The following KIAA1671 variants were observed in gnomAD, a reference collection of about 807,000 sequenced individuals.
KIAA1671 encodes uncharacterized protein KIAA1671.
A neutral mutation model predicts 131.2 loss-of-function variants in KIAA1671; 52 were observed. The observed-to-expected ratio is 0.40, with a 90% confidence interval of 0.32 to 0.50. The LOEUF is 0.50. KIAA1671 is among the 20% of genes least tolerant of loss of function. The probability of loss-of-function intolerance (pLI) is 0.73; values close to 1 mark genes in which losing one functional copy is unlikely to be tolerated. For missense variants in KIAA1671, 2,360 were observed against 2,364.2 expected (o/e 1.00, Z 0.04); for synonymous variants, 1,003 against 961.6 (o/e 1.04, Z -0.80).
chr22:25,188,501 A>G (rs1934554518), intron 11 of KIAA1671, among the ~76,000 whole-genome samples: 1 of 143,706 alleles, frequency 7.0e-6, no homozygotes, highest in African/African-American at 2.6e-5. Context: ...TGTAAATAAT[A>G]CAGTTGATCC....
intron 6 of KIAA1671, among the ~76,000 whole-genome samples, chr22:25,132,068 TG>T (rs751080169): frequency 3.3e-5 from 5 of 152,216 alleles, no homozygotes; most frequent in Non-Finnish European, 7.4e-5. Flanking sequence ...CAGAATTGAT[TG>T]AAGTCACACT....
At chr22:25,073,068 TTTTG>T (rs1333366737) in intron 6 of KIAA1671, among the ~76,000 whole-genome samples, 1 of 152,024 alleles carries the variant, frequency 6.6e-6, no homozygotes, top group Non-Finnish European at 1.5e-5. Context: ...TATTCTACCT[TTTTG>T]TTTGTCTGTT....
chr22:25,030,513 C>T (rs1315699785), intron 3 of KIAA1671, among the ~76,000 whole-genome samples: 1 of 151,016 alleles, frequency 6.6e-6, no homozygotes, highest in Non-Finnish European at 1.5e-5. Flanking sequence ...CCAGCCTGGA[C>T]AACAGAGCAA....
At chr22:25,058,652 T>G (rs1049245728) in intron 6 of KIAA1671, 1 of 152,124 alleles carries the variant, frequency 6.6e-6, no homozygotes, top group African/African-American at 2.4e-5. Flanking sequence ...GGAGAAGTAA[T>G]TTCCATGGTC....
At chr22:25,160,321 C>T (rs1933395817) in intron 6 of KIAA1671, among the ~76,000 whole-genome samples, 1 of 152,148 alleles carries the variant, frequency 6.6e-6, no homozygotes, top group African/African-American at 2.4e-5. Context: ...TGGGTGGAGC[C>T]ACAGAGCCGC....
intron 5 of KIAA1671, among the ~76,000 whole-genome samples, chr22:25,048,327 CG>C (rs1166653933): frequency 6.6e-6 from 1 of 151,360 alleles, no homozygotes; most frequent in Non-Finnish European, 1.5e-5. Flanking sequence ...CCATGGGGGG[CG>C]TGAAGAGAGA....
chr22:25,122,137 C>T (rs145058619), intron 6 of KIAA1671, among the ~76,000 whole-genome samples: 76 of 152,252 alleles, frequency 5.0e-4, no homozygotes, highest in South Asian at 2.9e-3. Context: ...TGCAGCACAA[C>T]GCTTGGTGCA....
intron 4 of KIAA1671, among the ~76,000 whole-genome samples, chr22:25,034,588 T>C (rs1405716533): frequency 6.6e-6 from 1 of 152,138 alleles, no homozygotes; most frequent in Non-Finnish European, 1.5e-5. Context: ...TAGACCACAA[T>C]TCGTTTATCC....
At chr22:25,090,497 T>A (rs1411296706) in intron 6 of KIAA1671, among the ~76,000 whole-genome samples, 1 of 152,220 alleles carries the variant, frequency 6.6e-6, no homozygotes, top group Non-Finnish European at 1.5e-5. Flanking sequence ...ATCTCAAATG[T>A]CTCCCAGACT....
intron 6 of KIAA1671, among the ~76,000 whole-genome samples, chr22:25,067,709 G>C (rs184912031): frequency 3.9e-5 from 6 of 152,162 alleles, no homozygotes; most frequent in African/African-American, 1.4e-4. Flanking sequence ...CTTTCTCTCC[G>C]GGCATTTCTC....
In KIAA1671 at chr22:25,087,856, T is replaced by C. The variant is rs543838819; in HGVS notation, c.4530+38492T>C. ...CTGGAGGAGAGGGGGCTGTGAGCCA[T>C]AGCAGCCAGAGCCCCCAGCACCTGG... On this transcript the variant is annotated intron_variant, in intron 6 of 12. Coordinates refer to ENST00000358431, the MANE Select transcript of KIAA1671 (RefSeq NM_001145206.2). 1.4e-4 allele frequency among the ~76,000 whole-genome samples: 21 copies of C among 152,218 alleles called. No individual in the cohort carries two copies. In the South Asian group the frequency reaches 3.7e-3, roughly 27 times the overall value.
intron 9 of KIAA1671, 44 bp from the exon 10 acceptor site, chr22:25,181,655 C>G: frequency 1.9e-6 from 3 of 1,549,772 alleles, no homozygotes; most frequent in Non-Finnish European, 2.6e-6. Context: ...GACCTCAATA[C>G]ATGGCAGCTG....
At chr22:25,104,310 CCT>C (rs1204852374) in intron 6 of KIAA1671, among the ~76,000 whole-genome samples, 2 of 152,150 alleles carry the variant, frequency 1.3e-5, no homozygotes, top group African/African-American at 4.8e-5. Flanking sequence ...TATTAGTGTA[CCT>C]CTTAGTCTAG....
At chr22:24,995,729 C>A (rs1457461313) in intron 1 of KIAA1671, among the ~76,000 whole-genome samples, 1 of 152,206 alleles carries the variant, frequency 6.6e-6, no homozygotes, top group Non-Finnish European at 1.5e-5. Context: ...TGACCATTGG[C>A]ATTATGCTAA....
chr22:25,010,726 A>G lies in KIAA1671; in HGVS notation c.-207-14907A>G, dbSNP rs1016342380. ...GCCAAGCTCCGTGTTCATTAAGAAT[A>G]TTTTTGCCTGCATGGAATAGAAACC... is the stretch of plus-strand genomic sequence containing the variant. On this transcript the variant is annotated intron_variant, in intron 1 of 12. Transcript: ENST00000358431. 2.0e-5 allele frequency: 3 copies of G among 152,104 alleles called. No individual in the cohort carries two copies. In the South Asian group the frequency reaches 6.2e-4, roughly 31 times the overall value. 9.4% of individuals were successfully genotyped at this position (152,104 alleles called of 1,614,324 possible). A position where few individuals can be genotyped will look rare whatever the true frequency, so the allele number is the denominator to read the frequency against.
At chr22:25,100,533 C>T (rs781301840) in intron 6 of KIAA1671, among the ~76,000 whole-genome samples, 1 of 152,204 alleles carries the variant, frequency 6.6e-6, no homozygotes, top group Non-Finnish European at 1.5e-5. Flanking sequence ...GCTTTGAGTT[C>T]CACCCAGCCG....
At chr22:24,995,251 G>T (rs201445786) in intron 1 of KIAA1671, among the ~76,000 whole-genome samples, 1 of 151,452 alleles carries the variant, frequency 6.6e-6, no homozygotes, top group African/African-American at 2.4e-5. Flanking sequence ...ACAGGGTTTC[G>T]CCATGTTAGC....
intron 1 of KIAA1671, among the ~76,000 whole-genome samples, chr22:24,980,059 G>C (rs1239303540): frequency 6.6e-6 from 1 of 151,382 alleles, no homozygotes; most frequent in Non-Finnish European, 1.5e-5. Context: ...CCACTTCCCA[G>C]GTTCAAGCAA....
rs1926077658 is a variant in KIAA1671, at chr22:25,028,420, T to C, written c.421T>C (p.Ser141Pro). 1.9e-6 allele frequency: 3 copies of C among 1,550,834 alleles called. No individual in the cohort carries two copies. Among genetic ancestry groups the C allele is most frequent in the South Asian group, 2.4e-5 (2 of 83,992 alleles). The change falls in exon 3 of 13, where the codon TCC (serine) becomes CCC (proline). Residue 141 changes from serine to proline, a missense_variant. Around this residue, in one of 3 missense-constraint regions of KIAA1671, gnomAD observed 1,185 missense variants for 1,126.2 expected, o/e 1.05. Transcript: ENST00000358431. Reference protein sequence around the residue: ...FNKAVFLRPSSSTMILFETTK... With the variant: ...FNKAVFLRPSPSTMILFETTK... ...CAAGGCTGTGTTCCTGCGGCCCAGC[T>C]CCAGCACCATGATTCTCTTCGAAAC...
Sources: allele counts gnomAD v4.1 joint callset (sites outside exome capture counted in the v4.1 genomes callset), GRCh38; gene constraint gnomAD v4.1.1; regional missense constraint gnomAD v4.1.1; transcripts MANE v1.5; gene names NCBI Gene and HGNC (gene_info 2026-07-23, HGNC 2026-07-21).